TMEM132D: variants seen among roughly 807,000 people sequenced by gnomAD.
The protein encoded by TMEM132D is transmembrane protein 132D.
A neutral mutation model predicts 62.3 loss-of-function variants in TMEM132D; 21 were observed. The observed-to-expected ratio is 0.34, with a 90% CI of 0.24 to 0.49. The LOEUF (loss-of-function observed/expected upper bound fraction) is 0.49, where lower values mean the gene tolerates loss of function less well. TMEM132D is among the 20% of genes least tolerant of loss of function. TMEM132D has a pLI of 0.99. For missense variants in TMEM132D, 1,346 were observed against 1,402.8 expected, an observed-to-expected ratio of 0.96 and a Z score of 0.65; for synonymous variants, 621 against 575.6, an observed-to-expected ratio of 1.08 and a Z score of -1.13.
intron 4 of TMEM132D, among the ~76,000 whole-genome samples, chr12:129,211,714 C>A (rs2135568114): frequency 6.6e-6 from 1 of 152,300 alleles, no homozygotes; most frequent in Admixed American, 6.5e-5. Flanking sequence ...TCCTGAAGTT[C>A]AGAGACCATG....
At chr12:129,822,289 T>C (rs1405107744) in intron 1 of TMEM132D, among the ~76,000 whole-genome samples, 2 of 152,040 alleles carry the variant, frequency 1.3e-5, no homozygotes, top group Non-Finnish European at 2.9e-5. Flanking sequence ...AGGTTGGCTG[T>C]CTCACTGGAG....
intron 1 of TMEM132D, among the ~76,000 whole-genome samples, chr12:129,808,776 T>C (rs755916886): frequency 2.0e-5 from 3 of 150,558 alleles, no homozygotes; most frequent in African/African-American, 7.3e-5. Context: ...AAGGAAGCCA[T>C]AGAGAACATG....
In TMEM132D at chr12:129,281,719, G is replaced by C. The variant is rs148707587; in HGVS notation, c.1299+55915C>G. On this transcript the variant is annotated intron_variant, in intron 4 of 8. Transcript: ENST00000422113. ...CTTCCCCACCCTCTCTGCATCCACT[G>C]TGAAAGCTGGATGATAACAGCTCCC... 2.4e-3 allele frequency among the ~76,000 whole-genome samples: 365 copies of C among 152,296 alleles called. 1 individual carries two copies. Among genetic ancestry groups the C allele is most frequent in the Non-Finnish European group, 4.4e-3 (297 of 68,032 alleles).
Position 129,420,683 on chromosome 12 carries a change from CA to C in TMEM132D, c.1116-82867del, listed in dbSNP as rs372076231. 2.9e-3 allele frequency among the ~76,000 whole-genome samples: 436 copies of C among 152,286 alleles called. 3 individuals are homozygous for C. Among genetic ancestry groups the C allele is most frequent in the Non-Finnish European group, 4.9e-3 (331 of 68,034 alleles). On this transcript the variant is annotated intron_variant, in intron 3 of 8. Transcript: ENST00000422113. ...GCCCAACCAACGCTCAGCAAGCTGG[CA>C]AGCGATAAAGACCCCTGGTGAACAC...
At chr12:129,099,758 A>G (rs755579892) in intron 5 of TMEM132D, among the ~76,000 whole-genome samples, 2 of 152,258 alleles carry the variant, frequency 1.3e-5, no homozygotes, top group African/African-American at 4.8e-5. Context: ...AACATCCTGG[A>G]AAGGACAGAT....
At chr12:129,592,644 A>C (rs1681688) in intron 2 of TMEM132D, among the ~76,000 whole-genome samples, 84,489 of 151,876 alleles carry the variant, frequency 0.56, 23,990 homozygotes, top group African/African-American at 0.67. Flanking sequence ...TTATTTGTAC[A>C]TATTCAAAAG....
At chr12:129,283,543 C>A (rs1012261925) in intron 4 of TMEM132D, among the ~76,000 whole-genome samples, 7 of 152,296 alleles carry the variant, frequency 4.6e-5, no homozygotes, top group African/African-American at 1.7e-4. Flanking sequence ...CTCATGCTTG[C>A]ATAAATATAA....
At chr12:129,722,257 C>G (rs75019516) in intron 1 of TMEM132D, among the ~76,000 whole-genome samples, 82 of 152,332 alleles carry the variant, frequency 5.4e-4, no homozygotes, top group African/African-American at 1.9e-3. Flanking sequence ...AATCTGTTGT[C>G]AGAACCTATC....
intron 3 of TMEM132D, among the ~76,000 whole-genome samples, chr12:129,400,388 T>C (rs1472325300): frequency 6.6e-6 from 1 of 152,186 alleles, no homozygotes; most frequent in Non-Finnish European, 1.5e-5. Context: ...TTGTTCTTGT[T>C]GCTCTGTTTT....
intron 2 of TMEM132D, among the ~76,000 whole-genome samples, chr12:129,676,401 GT>G (rs1282504381): frequency 6.6e-6 from 1 of 152,054 alleles, no homozygotes; most frequent in Non-Finnish European, 1.5e-5. Context: ...GTGTTAGTCT[GT>G]TTTGCGTTGC....
At chr12:129,490,870 G>A (rs1432168745) in intron 3 of TMEM132D, among the ~76,000 whole-genome samples, 3 of 151,872 alleles carry the variant, frequency 2.0e-5, no homozygotes, top group African/African-American at 4.8e-5. Flanking sequence ...TTGCCACGAC[G>A]CCATCCTCCC....
intron 2 of TMEM132D, among the ~76,000 whole-genome samples, chr12:129,647,970 C>A (rs1030962809): frequency 6.6e-6 from 1 of 152,214 alleles, no homozygotes; most frequent in Non-Finnish European, 1.5e-5. Context: ...GAATTAAGTT[C>A]GTAGTTTAAA....
At chr12:129,733,260 G>C (rs905098274) in intron 1 of TMEM132D, among the ~76,000 whole-genome samples, 38 of 152,176 alleles carry the variant, frequency 2.5e-4, no homozygotes, top group African/African-American at 9.2e-4. Flanking sequence ...TCTGAGACTG[G>C]GGAGGTCTTG....
At chr12:129,646,188 G>T (rs515440) in intron 2 of TMEM132D, among the ~76,000 whole-genome samples, 151,640 of 152,330 alleles carry the variant, frequency 1, 75,483 homozygotes, top group Non-Finnish European at 1. Flanking sequence ...GGGGAACTTT[G>T]GCTTATAACA....
At position 129,249,745 on chromosome 12, in the gene TMEM132D, A is replaced by G. The variant is rs1880216292; in HGVS notation, c.1300-40082T>C. ...TGGAGACAGAAAAAGAGTTTAATTG[A>G]AAAGACCCCGAGTAGCTCACAGAAT... On this transcript the variant is annotated intron_variant, in intron 4 of 8. Coordinates refer to ENST00000422113, the MANE Select transcript of TMEM132D (RefSeq NM_133448.3). 1.3e-5 allele frequency among the ~76,000 whole-genome samples: 2 copies of G among 152,168 alleles called. 1 individual carries two copies. The highest frequency in any genetic ancestry group is 4.1e-4 in the South Asian group (2 of 4,826).
chr12:129,487,504 G>T (rs1874619487), intron 3 of TMEM132D, among the ~76,000 whole-genome samples: 1 of 152,248 alleles, frequency 6.6e-6, no homozygotes, highest in East Asian at 1.9e-4. Context: ...GCTTTGCTAG[G>T]ACGGCAGTGC....
chr12:129,760,319 CTTTCTT>C (rs1249030141), intron 1 of TMEM132D, among the ~76,000 whole-genome samples: 9 of 95,752 alleles, frequency 9.4e-5, no homozygotes, highest in African/African-American at 3.1e-4. Flanking sequence ...ATGTAAGCCA[CTTTCTT>C]TTTTTTTTTT....
At chr12:129,321,264 A>T (rs190029287) in intron 4 of TMEM132D, among the ~76,000 whole-genome samples, 1 of 152,194 alleles carries the variant, frequency 6.6e-6, no homozygotes, top group Non-Finnish European at 1.5e-5. Context: ...ATTATCACTG[A>T]TCTTCCTAAC....
intron 4 of TMEM132D, 32 bp from the exon 5 acceptor site, chr12:129,209,695 C>T (rs180932120): frequency 3.7e-6 from 6 of 1,612,590 alleles, no homozygotes; most frequent in Admixed American, 1.7e-5. Flanking sequence ...TCCATCACAT[C>T]CCCTCCTGAG....
Sources: gnomAD v4.1 joint callset for allele counts (sites outside exome capture counted in the v4.1 genomes callset) on GRCh38, gnomAD v4.1.1 for gene constraint, MANE v1.5 for transcripts, NCBI Gene and HGNC (gene_info 2026-07-23, HGNC 2026-07-21) for gene names.